DCAF6: variants seen among roughly 807,000 people sequenced by gnomAD.
DCAF6 encodes DDB1- and CUL4-associated factor 6.
Under a neutral mutation model 125.1 loss-of-function variants are expected in DCAF6, and 54 were observed. The ratio of observed to expected loss-of-function variants is 0.43; its 90% CI spans 0.35 to 0.54. The LOEUF (loss-of-function observed/expected upper bound fraction) is 0.54. Ranked by LOEUF, DCAF6 falls within the 20% of genes least tolerant of loss-of-function variation. DCAF6 has a pLI of 0.01. For synonymous variants in DCAF6, 371 were observed against 390.4 expected, an observed-to-expected ratio of 0.95 and a Z score of 0.58; for missense variants, 934 against 1,161.7, an observed-to-expected ratio of 0.80 and a Z score of 2.85.
chr1:167,988,169 A>T (rs1384225340), intron 5 of DCAF6, among the ~76,000 whole-genome samples: 1 of 151,808 alleles, frequency 6.6e-6, no homozygotes, highest in Non-Finnish European at 1.5e-5. Context: ...TAATTAATTA[A>T]TTTTTTTTGA....
chr1:167,967,322 G>C (rs1676568803), intron 3 of DCAF6, among the ~76,000 whole-genome samples: 1 of 152,096 alleles, frequency 6.6e-6, no homozygotes, highest in Admixed American at 6.5e-5. Context: ...TCCCTCACTA[G>C]AAGGCAAGAG....
intron 2 of DCAF6, among the ~76,000 whole-genome samples, chr1:167,960,334 T>G (rs905389018): frequency 2.6e-5 from 4 of 152,150 alleles, no homozygotes; most frequent in Admixed American, 6.6e-5. Flanking sequence ...AGTCTCGGCC[T>G]CTTGCCCAGG....
chr1:167,950,171 G>C lies in DCAF6; in HGVS notation c.98-1629G>C, dbSNP rs575093906. Among the ~76,000 whole-genome samples the C allele has an allele frequency of 3.6e-5, 4 of 111,514 alleles. No individual in the cohort carries two copies. The East Asian group carries it at 8.2e-4, about 23-fold the overall frequency. The allele number at this position is 111,514 out of a possible 152,430, so 73.2% of individuals were successfully genotyped here. ...TTTCAAACGCAGGTTTTAAAATTTT[G>C]ACAAAGTTTCCAATACTTTAATATT... On this transcript the variant is annotated intron_variant, in intron 1 of 21. Coordinates refer to ENST00000367840, the MANE Select transcript of DCAF6 (RefSeq NM_001198956.2).
intron 3 of DCAF6, among the ~76,000 whole-genome samples, chr1:167,970,699 G>T (rs1677181819): frequency 6.6e-6 from 1 of 151,846 alleles, no homozygotes; most frequent in Non-Finnish European, 1.5e-5. Context: ...TCATTATATA[G>T]GAAAAAAAGC....
intron 16 of DCAF6, among the ~76,000 whole-genome samples, chr1:168,048,084 A>G (rs756639140): frequency 2.6e-4 from 40 of 152,180 alleles, no homozygotes; most frequent in Non-Finnish European, 4.9e-4. Flanking sequence ...ATCACTTACC[A>G]GCTTGTAATT....
At chr1:167,896,734 T>A in the DCAF6 span, 1 of 1,346,838 alleles carries the variant, frequency 7.4e-7, no homozygotes, top group Non-Finnish European at 1.1e-6. Flanking sequence ...TTCTGAGAAC[T>A]GTTTAATCCT....
At chr1:168,049,646 A>ATTTTTT (rs756012977) in intron 16 of DCAF6, among the ~76,000 whole-genome samples, 6 of 90,300 alleles carry the variant, frequency 6.6e-5, no homozygotes, top group African/African-American at 1.6e-4. Flanking sequence ...TCTGCATATA[A>ATTTTTT]TTTTTTTTTT....
At chr1:168,004,113 TTGTGTGG>T (rs1446296572) in intron 9 of DCAF6, 124 bp downstream of exon 9, 5 of 1,215,380 alleles carry the variant, frequency 4.1e-6, no homozygotes, top group Non-Finnish European at 5.7e-6. Flanking sequence ...AAGGTTCTTA[TTGTGTGG>T]TGTGAAGTAG....
chr1:168,002,479 T>G lies in DCAF6; in HGVS notation c.904-3T>G, dbSNP rs746032366. ...ATAGAATTTACCCGTTCTTATTTTT[T>G]AGTTGCGACAACCACCAGTTAAGCG... is the stretch of plus-strand genomic sequence containing the variant. On this transcript the variant is annotated splice_region_variant and splice_polypyrimidine_tract_variant and intron_variant, in intron 7 of 21. Transcript: ENST00000367840. 6.2e-7 allele frequency: 1 copy of G among 1,612,600 alleles called. No individual in the cohort carries two copies. The highest frequency in any genetic ancestry group is 1.1e-5 in the South Asian group (1 of 91,024).
intron 11 of DCAF6, among the ~76,000 whole-genome samples, chr1:168,021,761 A>T (rs1685697199): frequency 6.6e-6 from 1 of 152,224 alleles, no homozygotes; most frequent in African/African-American, 2.4e-5. Context: ...TCAGACTTTT[A>T]AATGTACAAA....
chr1:167,966,388 G>C (rs1026146204), intron 2 of DCAF6, among the ~76,000 whole-genome samples: 2 of 151,998 alleles, frequency 1.3e-5, no homozygotes, highest in Non-Finnish European at 2.9e-5. Flanking sequence ...AGATTTTTTT[G>C]CTATTTATTT....
chr1:167,943,857 G>T (rs1252730714), intron 1 of DCAF6, among the ~76,000 whole-genome samples: 2 of 147,988 alleles, frequency 1.4e-5, no homozygotes, highest in Middle Eastern at 3.2e-3. Context: ...TTTTTTTTTT[G>T]AGATGGAGTC....
At chr1:167,897,394 G>T in the DCAF6 span, among the ~76,000 whole-genome samples, 1 of 151,010 alleles carries the variant, frequency 6.6e-6, no homozygotes, top group Middle Eastern at 3.4e-3. Context: ...TTACTCAGGA[G>T]GCTGTGGTGG....
the DCAF6 span, among the ~76,000 whole-genome samples, chr1:167,889,507 T>G: frequency 6.6e-6 from 1 of 151,462 alleles, no homozygotes; most frequent in African/African-American, 2.4e-5. Context: ...TACATCAATA[T>G]TCATCAGAGA....
Position 168,065,518 on chromosome 1 carries a change from T to C in DCAF6, c.2440-72T>C, listed in dbSNP as rs1692213349. ...GTAAGAATTAAAACAAATAAAAAAA[T>C]GTAAGAGTAGCATAAATCTTTGTTT... On this transcript the variant is annotated intron_variant, in intron 18 of 21. Transcript: ENST00000367840. 4.6e-6 allele frequency: 5 copies of C among 1,080,816 alleles called. No individual in the cohort carries two copies. In the African/African-American group the frequency reaches 4.8e-5, roughly 10 times the overall value. The allele number at this position is 1,080,816 out of a possible 1,614,324, so 67.0% of individuals were successfully genotyped here.
intron 17 of DCAF6, chr1:168,056,558 C>T (rs923009241): frequency 2.4e-6 from 1 of 417,096 alleles, no homozygotes; most frequent in Non-Finnish European, 3.8e-6. Flanking sequence ...AATTTAATTA[C>T]AGAATAAGAA....
chr1:167,877,640 T>C, the DCAF6 span, among the ~76,000 whole-genome samples: 13 of 152,052 alleles, frequency 8.5e-5, no homozygotes, highest in Admixed American at 7.9e-4. Context: ...AGGAAGTGAA[T>C]AATTGTGATA....
At chr1:167,999,017 A>C (rs1382201024) in intron 7 of DCAF6, among the ~76,000 whole-genome samples, 1 of 152,146 alleles carries the variant, frequency 6.6e-6, no homozygotes, top group African/African-American at 2.4e-5. Flanking sequence ...CATGAGAGGA[A>C]TCACTATCTG....
At chr1:168,029,452 G>C (rs956192249) in intron 12 of DCAF6, among the ~76,000 whole-genome samples, 1 of 152,202 alleles carries the variant, frequency 6.6e-6, no homozygotes, top group African/African-American at 2.4e-5. Context: ...ATAGGTACTA[G>C]GGTGCATGAA....
Sources: allele counts gnomAD v4.1 joint callset (sites outside exome capture counted in the v4.1 genomes callset), GRCh38; gene constraint gnomAD v4.1.1; transcripts MANE v1.5; gene names NCBI Gene and HGNC (gene_info 2026-07-23, HGNC 2026-07-21).